The following LMTK3 variants were observed in gnomAD, a reference collection of about 807,000 sequenced individuals.
LMTK3 encodes the protein serine/threonine-protein kinase LMTK3.
Under a neutral mutation model 116.7 loss-of-function variants are expected in LMTK3, and 27 were observed. The ratio of observed to expected loss-of-function variants is 0.23; its 90% CI spans 0.17 to 0.32. The LOEUF (loss-of-function observed/expected upper bound fraction) is 0.32, where lower values mean the gene tolerates loss of function less well. Ranked by LOEUF, LMTK3 falls within the 10% of genes least tolerant of loss-of-function variation. The probability of loss-of-function intolerance (pLI) is 1.00; values close to 1 mark genes in which losing one functional copy is unlikely to be tolerated. For synonymous variants in LMTK3, 965 were observed against 971.0 expected, an observed-to-expected ratio of 0.99 and a Z score of 0.11; for missense variants, 1,764 against 2,068.5, an observed-to-expected ratio of 0.85 and a Z score of 2.86.
At position 48,499,188 on chromosome 19, in the gene LMTK3, C is replaced by G. The variant is rs1972410648; in HGVS notation, c.1881G>C (p.Glu627Asp). 2.0e-6 allele frequency: 3 copies of G among 1,466,558 alleles called. No homozygotes were observed. The highest frequency in any genetic ancestry group is 1.4e-5 in the African/African-American group (1 of 70,238). 90.8% of individuals were successfully genotyped at this position (1,466,558 alleles called of 1,614,324 possible). Residue 627 changes from glutamate (E) to aspartate (D), a missense_variant, in exon 11 of 15, where the codon GAG (glutamate) becomes GAC (aspartate). Transcript: ENST00000600059. ...GGGCGGTCCCCCGCTCCCCCAAGACCTCGGCAGGGTCTCCCGCCAGGGTCT... is the reference window on the plus strand; with the variant it reads ...GGGCGGTCCCCCGCTCCCCCAAGACGTCGGCAGGGTCTCCCGCCAGGGTCT... Reference protein sequence around the residue: ...AGETLAGDPAEVLGERGTAPW... With the variant: ...AGETLAGDPADVLGERGTAPW...
intron 5 of LMTK3, among the ~76,000 whole-genome samples, chr19:48,503,789 T>TTC (rs148406252): frequency 0.015 from 2,246 of 149,588 alleles, 42 homozygotes; most frequent in African/African-American, 0.048. Flanking sequence ...ACCTACAGTT[T>TTC]TCTCTCTCTC....
At chr19:48,510,415 G>T (rs367672707) in intron 2 of LMTK3, 44 bp downstream of exon 2, 228 of 1,570,118 alleles carry the variant, frequency 1.5e-4, no homozygotes, top group Middle Eastern at 5.0e-4. Context: ...TAAAGGCCTT[G>T]CTGGAGTCTT....
chr19:48,501,484 G>A lies in LMTK3; in HGVS notation c.873C>T (p.Asn291=), dbSNP rs1972465754. The change falls in exon 8 of 15, where the codon AAC becomes AAT. Residue 291 remains asparagine, a synonymous_variant. Coordinates refer to ENST00000600059, the MANE Select transcript of LMTK3 (RefSeq NM_001388485.1). Reference sequence around the variant, plus strand: ...CGACGGAAGGAAGCCCTACCTTGTAGTTGCTGTGGGCCAGCCCGTAGTCTC... The same window carrying A: ...CGACGGAAGGAAGCCCTACCTTGTAATTGCTGTGGGCCAGCCCGTAGTCTC... ...RIGDYGLAHS[N]YKEDYYLTPE... The A allele has an allele frequency of 2.5e-6, 4 of 1,612,462 alleles. No homozygotes were observed. The highest frequency in any genetic ancestry group is 3.4e-6 in the Non-Finnish European group (4 of 1,179,314).
Position 48,509,423 on chromosome 19 carries a change from C to T in LMTK3, c.438+14G>A. The T allele has an allele frequency of 6.4e-7, 1 of 1,551,800 alleles. No homozygotes were observed. The stretch of plus-strand genomic sequence containing the variant: ...GATCCATGGAGCCCTGCCTCCCCTC[C>T]CCAGCCCACTCACCTTCCCAAACCA... On this transcript the variant is annotated intron_variant, in intron 4 of 14. Coordinates refer to ENST00000600059, the MANE Select transcript of LMTK3 (RefSeq NM_001388485.1).
Position 48,499,070 on chromosome 19 carries a change from G to A in LMTK3, c.1999C>T (p.Leu667=), listed in dbSNP as rs531161746. The change falls in exon 11 of 15, where the codon CTA becomes TTA. Residue 667 remains leucine, a synonymous_variant. Coordinates refer to ENST00000600059, the MANE Select transcript of LMTK3 (RefSeq NM_001388485.1). ...LGGGPSRRGP[L]PCPLCSREGA... is the part of the protein sequence containing the mutation. ...TCGCGGCTGCACAGGGGACAGGGTA[G>A]GGGACCCCGGCGGCTTGGGCCACCT... The A allele has an allele frequency of 3.9e-6, 6 of 1,543,854 alleles. No homozygotes were observed. In the South Asian group the frequency reaches 6.0e-5, roughly 15 times the overall value.
chr19:48,488,341 A>G (rs1308382938), intron 14 of LMTK3, among the ~76,000 whole-genome samples: 1 of 151,306 alleles, frequency 6.6e-6, no homozygotes, highest in African/African-American at 2.4e-5. Flanking sequence ...GCCCTGTCCA[A>G]CCTCTCCATT....
chr19:48,497,538 C>T lies in LMTK3; in HGVS notation c.3531G>A (p.Glu1177=). ...CGGCCCTGCTGTCTGGGGCCCCGGG[C>T]TCTCCCTCGGGGGCCACCTCCGGCC... ...RARPEVAPEG[E]PGAPDSRAGG... The change falls in exon 11 of 15, where the codon GAG becomes GAA. Residue 1177 remains glutamate, a synonymous_variant. Coordinates refer to ENST00000600059, the MANE Select transcript of LMTK3 (RefSeq NM_001388485.1). This position sits in a 1 kb window ranked among gnomAD's most constrained non-coding sequence, Gnocchi z 5.7. The T allele has an allele frequency of 7.2e-7, 1 of 1,394,886 alleles. No homozygotes were observed. The highest frequency in any genetic ancestry group is 9.3e-7 in the Non-Finnish European group (1 of 1,071,168). 86.4% of individuals were successfully genotyped at this position (1,394,886 alleles called of 1,614,324 possible). A position where few individuals can be genotyped will look rare whatever the true frequency, so the allele number is the denominator to read the frequency against.
Position 48,494,187 on chromosome 19 carries a change from G to A in LMTK3, c.3677-78C>T. 1.1e-6 allele frequency: 1 copy of A among 886,508 alleles called. No homozygotes were observed. Among genetic ancestry groups the A allele is most frequent in the Non-Finnish European group, 1.4e-6 (1 of 710,148 alleles). 54.9% of individuals were successfully genotyped at this position (886,508 alleles called of 1,614,324 possible). On this transcript the variant is annotated intron_variant, in intron 11 of 14. Coordinates refer to ENST00000600059, the MANE Select transcript of LMTK3 (RefSeq NM_001388485.1). The surrounding 1 kb of genome is among the most constrained non-coding windows in gnomAD (Gnocchi z 4.0). The stretch of plus-strand genomic sequence containing the variant: ...CCTCCCACCTAGCTGTGTGGCCTCA[G>A]ATAAGACCCCCGCACAATCTGGGCC...
At chr19:48,512,882 T>C (rs1972683724), upstream of LMTK3, among the ~76,000 whole-genome samples, 1 of 151,912 alleles carries the variant, frequency 6.6e-6, no homozygotes, top group African/African-American at 2.4e-5. Flanking sequence ...CAGTCACACA[T>C]ACATAAGCAC....
rs1972465680 is a variant in LMTK3 at position 48,501,481 on chromosome 19, G to A, written c.876C>T (p.Tyr292=). 2 of 1,612,550 alleles carry A rather than the reference G, an allele frequency of 1.2e-6. No individual in the cohort carries two copies. Among genetic ancestry groups the A allele is most frequent in the African/African-American group, 1.3e-5 (1 of 75,026 alleles). ...TCCCGACGGAAGGAAGCCCTACCTT[G>A]TAGTTGCTGTGGGCCAGCCCGTAGT... ...IGDYGLAHSN[Y]KEDYYLTPER... The change falls in exon 8 of 15, where the codon TAC becomes TAT. Residue 292 remains tyrosine (Y), a synonymous_variant. Transcript: ENST00000600059.
chr19:48,513,065 AACACAT>A, upstream of LMTK3: 1 of 1,198,868 alleles, frequency 8.3e-7, no homozygotes, highest in Non-Finnish European at 1.2e-6. The surrounding 1 kb of genome is among the most constrained non-coding windows in gnomAD (Gnocchi z 5.6). Context: ...TGGCACACAT[AACACAT>A]ACAAAGAGTC....
chr19:48,505,081 T>TTC lies in LMTK3; in HGVS notation c.558-2087_558-2086dup, dbSNP rs59270444. On this transcript the variant is annotated intron_variant, in intron 5 of 14. Transcript: ENST00000600059. ...ATGGTATTTGTCATTCTCTGACAGT[T>TTC]TCTCTCTCTCTCTCTCTCTCTCTTT... is the stretch of plus-strand genomic sequence containing the variant. Among the ~76,000 whole-genome samples the TTC allele has an allele frequency of 1.0e-3, 136 of 135,690 alleles. 2 individuals carry two copies. The highest frequency in any genetic ancestry group is 1.8e-3 in the East Asian group (9 of 5,074). The allele number at this position is 135,690 out of a possible 152,430, so 89.0% of individuals were successfully genotyped here.
intron 5 of LMTK3, among the ~76,000 whole-genome samples, chr19:48,506,705 C>T (rs1601056911): frequency 6.6e-6 from 1 of 152,276 alleles, no homozygotes; most frequent in Non-Finnish European, 1.5e-5. Flanking sequence ...CACGCTGTCT[C>T]CCAGGCTGGA....
At chr19:48,495,414 A>G (rs1972307207) in intron 11 of LMTK3, among the ~76,000 whole-genome samples, 1 of 152,198 alleles carries the variant, frequency 6.6e-6, no homozygotes, top group Non-Finnish European at 1.5e-5. Flanking sequence ...GGGGTCTTGA[A>G]GGATGAGTAG....
intron 1 of LMTK3, 46 bp from the exon 2 acceptor site, chr19:48,510,638 A>T: frequency 1.3e-6 from 2 of 1,497,278 alleles, no homozygotes; most frequent in Non-Finnish European, 1.8e-6. Context: ...AAGTCCCTGG[A>T]TACCGGAATC....
chr19:48,504,385 G>A (rs1002839940), intron 5 of LMTK3, among the ~76,000 whole-genome samples: 1 of 152,170 alleles, frequency 6.6e-6, no homozygotes, highest in African/African-American at 2.4e-5. Flanking sequence ...TCTCAGGCAA[G>A]CCACTTCGCT....
chr19:48,504,166 C>A (rs75282573), intron 5 of LMTK3, among the ~76,000 whole-genome samples: 1,819 of 152,310 alleles, frequency 0.012, 33 homozygotes, highest in African/African-American at 0.041. Context: ...CCGCACCCTG[C>A]CTGCACCTAC....
At position 48,499,461 on chromosome 19, in the gene LMTK3, G is replaced by A. The variant is rs1279183989; in HGVS notation, c.1608C>T (p.Ser536=). ...GCTCCTCCAAGCGGATGTAGTACTC[G>A]CTGCTCACGGAGGGGCTGCGGGCGC... ...VISARSPSVS[S]EYYIRLEEHG... Residue 536 remains serine, a synonymous_variant, in exon 11 of 15, where the codon AGC becomes AGT. Coordinates refer to ENST00000600059, the MANE Select transcript of LMTK3 (RefSeq NM_001388485.1). The A allele has an allele frequency of 2.0e-6, 3 of 1,474,750 alleles. No homozygotes were observed. The highest frequency in any genetic ancestry group is 2.7e-5 in the Admixed American group (1 of 36,978). The allele number at this position is 1,474,750 out of a possible 1,614,324, so 91.4% of individuals were successfully genotyped here.
In LMTK3 at chr19:48,498,392, C is replaced by T; in HGVS notation, c.2677G>A (p.Gly893Ser). 6.2e-7 allele frequency: 1 copy of T among 1,611,736 alleles called. No homozygotes were observed. The highest frequency in any genetic ancestry group is 1.3e-5 in the African/African-American group (1 of 74,942). ...RETGPRKAGR[G>S]PGNREKVPGL... ...GGGACTTTCTCTCTGTTCCCGGGGC[C>T]TCTCCCCGCCTTCCTGGGTCCTGTC... Residue 893 changes from glycine to serine, a missense_variant, in exon 11 of 15, where the codon GGC (glycine) becomes AGC (serine). By Grantham distance (56) the Gly-to-Ser change is moderately conservative. Transcript: ENST00000600059.
Sources: gnomAD v4.1 joint callset for allele counts (sites outside exome capture counted in the v4.1 genomes callset) on GRCh38, gnomAD v4.1.1 for gene constraint, Gnocchi (gnomAD v3.1) non-coding constraint, MANE v1.5 for transcripts, NCBI Gene and HGNC (gene_info 2026-07-23, HGNC 2026-07-21) for gene names.